The following AGAP1 variants were observed in gnomAD, a reference collection of about 807,000 sequenced individuals.
AGAP1 encodes the protein ArfGAP with GTPase domain, ankyrin repeat and PH domain 1.
A neutral mutation model predicts 105.3 loss-of-function variants in AGAP1; 29 were observed. That is an observed-to-expected ratio of 0.28 (90% CI 0.21 to 0.38). AGAP1 has a LOEUF of 0.38. Among genes scored for constraint, AGAP1 ranks in the 10% least tolerant of loss-of-function variants. AGAP1 has a pLI of 1.00. For missense variants in AGAP1, 998 were observed against 1,165.1 expected (o/e 0.86, Z 2.09); for synonymous variants, 509 against 485.9 (o/e 1.05, Z -0.63).
At chr2:235,810,065 T>C (rs372076968) in intron 9 of AGAP1, among the ~76,000 whole-genome samples, 1 of 152,144 alleles carries the variant, frequency 6.6e-6, no homozygotes, top group Non-Finnish European at 1.5e-5. Flanking sequence ...CCACTGCCCA[T>C]TGATGAAAAG....
chr2:235,667,257 T>A (rs992801251), intron 1 of AGAP1, among the ~76,000 whole-genome samples: 1 of 152,194 alleles, frequency 6.6e-6, no homozygotes, highest in African/African-American at 2.4e-5. Flanking sequence ...CTGTGTAGCA[T>A]TGCAGTAGGT....
intron 13 of AGAP1, among the ~76,000 whole-genome samples, chr2:236,021,550 T>C (rs1384965044): frequency 1.3e-5 from 2 of 152,174 alleles, no homozygotes; most frequent in Non-Finnish European, 2.9e-5. Flanking sequence ...AGTTACCGCT[T>C]AGTAACAAGA....
chr2:235,495,035 C>T (rs1261999150), intron 1 of AGAP1, among the ~76,000 whole-genome samples, 186 bp downstream of exon 1: 2 of 152,130 alleles, frequency 1.3e-5, no homozygotes, highest in Non-Finnish European at 2.9e-5. Flanking sequence ...CCCGCCGCGC[C>T]GCGAGCTCCG....
intron 1 of AGAP1, among the ~76,000 whole-genome samples, chr2:235,558,101 G>A (rs1370078115): frequency 6.6e-6 from 1 of 152,156 alleles, no homozygotes; most frequent in Non-Finnish European, 1.5e-5. Context: ...GGAGGCTGGC[G>A]GCCTTCCCTG....
At position 235,741,067 on chromosome 2, in the gene AGAP1, C is replaced by T. The variant is rs764113854; in HGVS notation, c.396+19C>T. ...GGCGCAGGTGAGTATACATGCATGCCCCAAGCCTGCTTTTTTTCCCTTTGT... is the reference window on the plus strand; with the variant it reads ...GGCGCAGGTGAGTATACATGCATGCTCCAAGCCTGCTTTTTTTCCCTTTGT... On this transcript the variant is annotated intron_variant, in intron 4 of 17. Transcript: ENST00000304032. This position sits in a 1 kb window ranked among gnomAD's most constrained non-coding sequence, Gnocchi z 4.9. 9 of 1,553,328 alleles carry T rather than the reference C, an allele frequency of 5.8e-6. No individual in the cohort carries two copies. Among genetic ancestry groups the T allele is most frequent in the South Asian group, 1.2e-5 (1 of 82,068 alleles).
chr2:235,685,076 G>C (rs1949307525), intron 1 of AGAP1, among the ~76,000 whole-genome samples: 1 of 152,144 alleles, frequency 6.6e-6, no homozygotes, highest in Non-Finnish European at 1.5e-5. Flanking sequence ...GGCTTTGCTG[G>C]GTGGGCCGAG....
chr2:235,853,307 T>C, intron 9 of AGAP1: 1 of 804,320 alleles, frequency 1.2e-6, no homozygotes, highest in Non-Finnish European at 1.5e-6. Context: ...CTCAGGCAGG[T>C]TGAGTGAGGA....
chr2:235,858,056 T>C (rs2048761639), intron 9 of AGAP1, among the ~76,000 whole-genome samples: 2 of 152,164 alleles, frequency 1.3e-5, no homozygotes, highest in Admixed American at 1.3e-4. Flanking sequence ...TTCGGGAGAA[T>C]GTGTATCTTA....
intron 16 of AGAP1, among the ~76,000 whole-genome samples, chr2:236,063,272 T>C (rs1173693479): frequency 1.3e-5 from 2 of 152,082 alleles, no homozygotes; most frequent in Non-Finnish European, 2.9e-5. Flanking sequence ...GTATATTTAG[T>C]AGAGACGGGG....
At chr2:235,647,927 A>C (rs1487368787) in intron 1 of AGAP1, among the ~76,000 whole-genome samples, 1 of 152,120 alleles carries the variant, frequency 6.6e-6, no homozygotes, top group Admixed American at 6.5e-5. Flanking sequence ...AGGTGAGAGC[A>C]GATTGTCACC....
At position 235,906,549 on chromosome 2, in the gene AGAP1, TCTC is replaced by T. The variant is rs1167699004; in HGVS notation, c.1156-2184_1156-2182del. On this transcript the variant is annotated intron_variant, in intron 10 of 17. Coordinates refer to ENST00000304032, the MANE Select transcript of AGAP1 (RefSeq NM_001037131.3). The surrounding 1 kb of genome is among the most constrained non-coding windows in gnomAD (Gnocchi z 5.3). The stretch of plus-strand genomic sequence containing the variant: ...TGGCTGTGCCCTCATGTAAAGAGGT[TCTC>T]CTCCCGCCCGTCCTGCCGTTGAGAA... Among the ~76,000 whole-genome samples the T allele has an allele frequency of 6.6e-6, 1 of 152,120 alleles. No homozygotes were observed. Among genetic ancestry groups the T allele is most frequent in the Admixed American group, 6.5e-5 (1 of 15,270 alleles).
At chr2:235,510,120 G>A (rs1224463588) in intron 1 of AGAP1, among the ~76,000 whole-genome samples, 1 of 152,144 alleles carries the variant, frequency 6.6e-6, no homozygotes, top group Non-Finnish European at 1.5e-5. Flanking sequence ...TCTACGTTAT[G>A]GTGAGTTGTA....
intron 16 of AGAP1, among the ~76,000 whole-genome samples, chr2:236,064,350 G>C (rs558706978): frequency 1.3e-5 from 2 of 152,176 alleles, no homozygotes; most frequent in African/African-American, 2.4e-5. Context: ...AGCACTTTGG[G>C]GAGGCCGAGG....
intron 1 of AGAP1, among the ~76,000 whole-genome samples, chr2:235,558,933 T>G (rs1271109826): frequency 6.6e-6 from 1 of 152,174 alleles, no homozygotes; most frequent in Non-Finnish European, 1.5e-5. Context: ...ATTGAAGATT[T>G]TTTTTTTTAG....
At position 236,130,167 on chromosome 2, in the gene AGAP1, G is replaced by C. The variant is rs936990822; in HGVS notation, c.*6045G>C. 1 of 152,256 alleles carries C rather than the reference G, an allele frequency of 6.6e-6. No homozygotes were observed. The highest frequency in any genetic ancestry group is 2.4e-5 in the African/African-American group (1 of 41,458). The allele number at this position is 152,256 out of a possible 1,614,324, so 9.4% of individuals were successfully genotyped here. ...TGGCATCCGACCTTGGGACGCCCAA[G>C]CTGGGCAGCCGCTCCATGTGCCCCA... On this transcript the variant is annotated 3_prime_UTR_variant, in exon 18 of 18. Coordinates refer to ENST00000304032, the MANE Select transcript of AGAP1 (RefSeq NM_001037131.3). The surrounding 1 kb of genome is among the most constrained non-coding windows in gnomAD (Gnocchi z 5.8).
chr2:235,872,300 G>A lies in AGAP1; in HGVS notation c.1051-11045G>A, dbSNP rs2049484849. 6.6e-6 allele frequency among the ~76,000 whole-genome samples: 1 copy of A among 152,146 alleles called. No homozygotes were observed. Among genetic ancestry groups the A allele is most frequent in the Admixed American group, 6.5e-5 (1 of 15,274 alleles). ...CTAAATAAATGCCGAAGCCACATAG[G>A]AGTCAAAGAAAGCGTTAACTGTAAT... On this transcript the variant is annotated intron_variant, in intron 9 of 17. Transcript: ENST00000304032. This position sits in a 1 kb window ranked among gnomAD's most constrained non-coding sequence, Gnocchi z 4.5.
chr2:236,125,701 T>G lies in AGAP1; in HGVS notation c.*1579T>G, dbSNP rs1417736462. ...CCTGAGAACCCAGACGACCTTGACC[T>G]GGCAGCCCGGCCCTCCACGCTAGTA... is the stretch of plus-strand genomic sequence containing the variant. On this transcript the variant is annotated 3_prime_UTR_variant, in exon 18 of 18. Coordinates refer to ENST00000304032, the MANE Select transcript of AGAP1 (RefSeq NM_001037131.3). This position sits in a 1 kb window ranked among gnomAD's most constrained non-coding sequence, Gnocchi z 5.2. The G allele has an allele frequency of 6.6e-6, 1 of 152,198 alleles. No homozygotes were observed. Among genetic ancestry groups the G allele is most frequent in the African/African-American group, 2.4e-5 (1 of 41,444 alleles). The allele number at this position is 152,198 out of a possible 1,614,324, so 9.4% of individuals were successfully genotyped here. A position where few individuals can be genotyped will look rare whatever the true frequency, so the allele number is the denominator to read the frequency against.
At chr2:235,840,772 T>TG (rs983522453) in intron 9 of AGAP1, among the ~76,000 whole-genome samples, 11 of 151,124 alleles carry the variant, frequency 7.3e-5, no homozygotes, top group Admixed American at 2.6e-4. Flanking sequence ...AGAAGAGTTT[T>TG]TTTTTTTTTT....
intron 9 of AGAP1, among the ~76,000 whole-genome samples, chr2:235,849,373 A>C (rs111431612): frequency 1.3e-5 from 2 of 152,334 alleles, no homozygotes; most frequent in African/African-American, 4.8e-5. Context: ...TTTTTTGTGA[A>C]TGTCTCTCCA....
Sources: gnomAD v4.1 joint callset for allele counts (sites outside exome capture counted in the v4.1 genomes callset) on GRCh38, gnomAD v4.1.1 for gene constraint, Gnocchi (gnomAD v3.1) non-coding constraint, MANE v1.5 for transcripts, NCBI Gene and HGNC (gene_info 2026-07-23, HGNC 2026-07-21) for gene names.